NFIB: variants seen among roughly 807,000 people sequenced by gnomAD.
NFIB encodes the protein nuclear factor 1 B-type.
NFIB carries 11 observed loss-of-function variants against 61.5 expected under a neutral mutation model. The observed-to-expected ratio is 0.18, with a 90% CI of 0.11 to 0.30. The LOEUF is 0.30. Ranked by LOEUF, NFIB falls within the 10% of genes least tolerant of loss-of-function variation. NFIB has a pLI of 1.00. For synonymous variants in NFIB, 260 were observed against 216.5 expected (o/e 1.20, Z -1.76); for missense variants, 471 against 608.9 (o/e 0.77, Z 2.38).
At chr9:14,247,651 T>A (rs1036688087) in intron 2 of NFIB, among the ~76,000 whole-genome samples, 2 of 152,356 alleles carry the variant, frequency 1.3e-5, no homozygotes, top group South Asian at 4.1e-4. Flanking sequence ...ATAATTTCAC[T>A]GGATATAAAA....
intron 2 of NFIB, among the ~76,000 whole-genome samples, chr9:14,290,902 CAT>C (rs2059050985): frequency 6.6e-6 from 1 of 152,038 alleles, no homozygotes; most frequent in Non-Finnish European, 1.5e-5. Flanking sequence ...AGTATGCTCT[CAT>C]AACATTTCTA....
At chr9:14,175,882 C>T (rs928319729) in intron 3 of NFIB, among the ~76,000 whole-genome samples, 2 of 152,196 alleles carry the variant, frequency 1.3e-5, no homozygotes, top group African/African-American at 2.4e-5. Flanking sequence ...CCTTCCTGAA[C>T]TCCAAAATAA....
At chr9:14,145,001 A>C (rs958026177) in intron 6 of NFIB, among the ~76,000 whole-genome samples, 2 of 152,170 alleles carry the variant, frequency 1.3e-5, no homozygotes, top group Non-Finnish European at 2.9e-5. Flanking sequence ...GAATTGACTA[A>C]AGGATCTGAA....
chr9:14,126,885 T>G (rs2039723838), intron 6 of NFIB, among the ~76,000 whole-genome samples: 1 of 152,200 alleles, frequency 6.6e-6, no homozygotes, highest in Non-Finnish European at 1.5e-5. Flanking sequence ...AGACCGAATG[T>G]ATGCCACATG....
intron 2 of NFIB, among the ~76,000 whole-genome samples, chr9:14,186,763 C>A (rs2047373444): frequency 6.7e-6 from 1 of 148,522 alleles, no homozygotes; most frequent in Non-Finnish European, 1.5e-5. Flanking sequence ...CATAATTTGG[C>A]TTTTTTTTTT....
At chr9:14,388,775 C>T (rs1315861617) in intron 1 of NFIB, among the ~76,000 whole-genome samples, 2 of 150,992 alleles carry the variant, frequency 1.3e-5, no homozygotes, top group African/African-American at 2.5e-5. Context: ...AAAAATAAAA[C>T]AAATGTGGCA....
intron 2 of NFIB, among the ~76,000 whole-genome samples, chr9:14,252,203 T>G (rs922252845): frequency 1.2e-4 from 19 of 152,188 alleles, no homozygotes; most frequent in Admixed American, 1.2e-3. Flanking sequence ...ACATCAGGAA[T>G]AGCAAACGGG....
Position 14,204,407 on chromosome 9 carries a change from T to G in NFIB, c.563-24627A>C, listed in dbSNP as rs2049397841. ...CCAGCCCAAAAGAGACCTCGCCCGCTTTGTGAAATGGCCCCGCTATAGCAG... is the reference window on the plus strand; with the variant it reads ...CCAGCCCAAAAGAGACCTCGCCCGCGTTGTGAAATGGCCCCGCTATAGCAG... On this transcript the variant is annotated intron_variant, in intron 2 of 10. Coordinates refer to ENST00000380953, the MANE Select transcript of NFIB (RefSeq NM_001190737.2). 12 of 1,132,110 alleles carry G rather than the reference T, an allele frequency of 1.1e-5. No homozygotes were observed. In the Admixed American group the frequency reaches 2.1e-4, roughly 20 times the overall value. The allele number at this position is 1,132,110 out of a possible 1,614,324, so 70.1% of individuals were successfully genotyped here. A position where few individuals can be genotyped will look rare whatever the true frequency, so the allele number is the denominator to read the frequency against.
the NFIB span, among the ~76,000 whole-genome samples, chr9:14,413,391 A>T: frequency 6.6e-6 from 1 of 152,200 alleles, no homozygotes. Context: ...TTTTAGAGGG[A>T]ATACATAGCA....
chr9:14,232,446 C>T (rs762234476), intron 2 of NFIB, among the ~76,000 whole-genome samples: 53 of 152,086 alleles, frequency 3.5e-4, no homozygotes, highest in Admixed American at 1.1e-3. Context: ...CATTTGCCAC[C>T]AGGAAAGAAG....
At chr9:14,216,768 CTT>C (rs2050974888) in intron 2 of NFIB, among the ~76,000 whole-genome samples, 1 of 152,150 alleles carries the variant, frequency 6.6e-6, no homozygotes, top group African/African-American at 2.4e-5. Context: ...GCTATGCTGA[CTT>C]TGCCAAAATT....
In NFIB at chr9:14,087,473, TATTA is replaced by T. The variant is rs955465813; in HGVS notation, c.*832_*835del. On this transcript the variant is annotated 3_prime_UTR_variant, in exon 11 of 11. Transcript: ENST00000380953. Reference sequence around the variant, plus strand: ...TGTTTCTTTTGTGGGGAAAATATTATATTAATTTTTACTGTTGCATGCAGAGAGA... The same window carrying T: ...TGTTTCTTTTGTGGGGAAAATATTATATTTTTACTGTTGCATGCAGAGAGA... The T allele has an allele frequency of 4.5e-6, 1 of 223,158 alleles. No individual in the cohort carries two copies. The highest frequency in any genetic ancestry group is 9.0e-6 in the Non-Finnish European group (1 of 111,460). The allele number at this position is 223,158 out of a possible 1,614,324, so 13.8% of individuals were successfully genotyped here. A position where few individuals can be genotyped will look rare whatever the true frequency, so the allele number is the denominator to read the frequency against.
the NFIB span, among the ~76,000 whole-genome samples, chr9:14,502,705 T>C: frequency 6.6e-6 from 1 of 152,190 alleles, no homozygotes; most frequent in Admixed American, 6.5e-5. Flanking sequence ...GGAAGTTTTA[T>C]TTATTTTTAT....
At chr9:14,210,634 A>G (rs2050210323) in intron 2 of NFIB, among the ~76,000 whole-genome samples, 2 of 152,064 alleles carry the variant, frequency 1.3e-5, no homozygotes, top group African/African-American at 4.8e-5. Flanking sequence ...TCTGATGGTT[A>G]AAACCACAAA....
At chr9:14,254,302 A>AAAAAACAAAACAAAACAAAAC (rs1554689880) in intron 2 of NFIB, among the ~76,000 whole-genome samples, 4 of 148,748 alleles carry the variant, frequency 2.7e-5, no homozygotes, top group African/African-American at 1.0e-4. Flanking sequence ...CTGTCTCAAA[A>AAAAAACAAAACAAAACAAAAC]AAAACAAAAC....
chr9:14,468,359 A>T, the NFIB span, among the ~76,000 whole-genome samples: 20 of 152,344 alleles, frequency 1.3e-4, no homozygotes, highest in South Asian at 3.9e-3. Context: ...AGATGATATG[A>T]TCTAAGGCAT....
At chr9:14,363,336 C>G (rs2061261986) in intron 1 of NFIB, among the ~76,000 whole-genome samples, 2 of 152,072 alleles carry the variant, frequency 1.3e-5, no homozygotes, top group African/African-American at 2.4e-5. Flanking sequence ...AGCTTTGCCC[C>G]TCCTTGGAAG....
chr9:14,473,308 T>A, the NFIB span, among the ~76,000 whole-genome samples: 1 of 152,202 alleles, frequency 6.6e-6, no homozygotes, highest in African/African-American at 2.4e-5. Flanking sequence ...AAATCAATGG[T>A]CATTTGACAC....
chr9:14,133,125 A>G (rs1349412640), intron 6 of NFIB, among the ~76,000 whole-genome samples: 1 of 152,190 alleles, frequency 6.6e-6, no homozygotes, highest in Non-Finnish European at 1.5e-5. Context: ...ATACACCCTC[A>G]TAATTTTCAA....
Sources: gnomAD v4.1 joint callset for allele counts (sites outside exome capture counted in the v4.1 genomes callset) on GRCh38, gnomAD v4.1.1 for gene constraint, MANE v1.5 for transcripts, NCBI Gene and HGNC (gene_info 2026-07-23, HGNC 2026-07-21) for gene names.